The following TOMM70 variants were observed in gnomAD, a reference collection of about 807,000 sequenced individuals.
TOMM70 encodes translocase of outer mitochondrial membrane 70.
In TOMM70, 13 loss-of-function variants were observed where a neutral mutation model predicts 73.6. The observed-to-expected ratio is 0.18, with a 90% CI of 0.11 to 0.28. The LOEUF is 0.28. Among genes scored for constraint, TOMM70 ranks in the 10% least tolerant of loss-of-function variants. The pLI is 1.00. For synonymous variants in TOMM70, 257 were observed against 271.2 expected, an observed-to-expected ratio of 0.95 and a Z score of 0.51; for missense variants, 609 against 747.5, an observed-to-expected ratio of 0.81 and a Z score of 2.16.
intron 1 of TOMM70, among the ~76,000 whole-genome samples, chr3:100,395,283 C>A (rs1321165479): frequency 1.3e-5 from 2 of 152,182 alleles, no homozygotes; most frequent in East Asian, 3.9e-4. Context: ...GCAGGAGAAT[C>A]GGTTGAACCC....
chr3:100,394,832 C>A (rs1706803971), intron 1 of TOMM70, among the ~76,000 whole-genome samples: 1 of 151,962 alleles, frequency 6.6e-6, no homozygotes, highest in Non-Finnish European at 1.5e-5. Flanking sequence ...ATGAATCAAA[C>A]CTAGGATAAT....
At chr3:100,377,131 A>C (rs953419068) in intron 6 of TOMM70, among the ~76,000 whole-genome samples, 1 of 152,184 alleles carries the variant, frequency 6.6e-6, no homozygotes, top group Non-Finnish European at 1.5e-5. Flanking sequence ...TAATATAGTT[A>C]ATTGGTGGTT....
chr3:100,378,016 G>A, intron 5 of TOMM70, 104 bp from the exon 6 acceptor site: 1 of 945,064 alleles, frequency 1.1e-6, no homozygotes, highest in South Asian at 1.6e-5. Flanking sequence ...GGAGGCCGAG[G>A]TGGGCGGATC....
chr3:100,381,868 A>C, intron 4 of TOMM70, 105 bp from the exon 5 acceptor site: 175 of 1,176,584 alleles, frequency 1.5e-4, no homozygotes, highest in Non-Finnish European at 1.7e-4. Context: ...TTGGATTCTC[A>C]TTTTCAAATA....
rs1200812562 is a variant in TOMM70 at position 100,386,352 on chromosome 3, T to C, written c.499-8A>G. ...CACTTCTTTCCATTTTTGCTGTAAT[T>C]GAAAGTATTTAAAAAAAGTCACACT... On this transcript the variant is annotated splice_region_variant and splice_polypyrimidine_tract_variant and intron_variant, in intron 2 of 11. Transcript: ENST00000284320. The C allele has an allele frequency of 6.3e-7, 1 of 1,592,808 alleles. No homozygotes were observed. Among genetic ancestry groups the C allele is most frequent in the African/African-American group, 1.4e-5 (1 of 73,770 alleles).
intron 9 of TOMM70, among the ~76,000 whole-genome samples, chr3:100,369,608 C>T (rs1706486527): frequency 6.6e-6 from 1 of 151,908 alleles, no homozygotes; most frequent in African/African-American, 2.4e-5. Flanking sequence ...TCAAGTGATC[C>T]CCCTGCCTCA....
chr3:100,397,969 C>CATGGAAAA (rs111739803), intron 1 of TOMM70, among the ~76,000 whole-genome samples: 2 of 151,250 alleles, frequency 1.3e-5, no homozygotes, highest in African/African-American at 2.4e-5. Flanking sequence ...ATCCAGACAA[C>CATGGAAAA]GTGGAAAAGA....
intron 4 of TOMM70, among the ~76,000 whole-genome samples, chr3:100,382,483 C>T (rs1233895105): frequency 6.6e-6 from 1 of 152,178 alleles, no homozygotes; most frequent in Non-Finnish European, 1.5e-5. Flanking sequence ...GATCTGTGGG[C>T]ACTCTCTGGG....
intron 1 of TOMM70, among the ~76,000 whole-genome samples, chr3:100,389,240 A>G (rs1473296857): frequency 2.6e-5 from 4 of 152,240 alleles, no homozygotes; most frequent in Non-Finnish European, 4.4e-5. Flanking sequence ...TTTTGTAACT[A>G]AAGTCTTATA....
At chr3:100,371,964 T>C (rs1301868077) in intron 9 of TOMM70, 1 of 152,264 alleles carries the variant, frequency 6.6e-6, no homozygotes, top group East Asian at 1.9e-4. Context: ...CTAGTTTATG[T>C]AGACACCAAA....
Position 100,400,698 on chromosome 3 carries a change from C to T in TOMM70, c.252G>A (p.Lys84=), listed in dbSNP as rs1706888147. Residue 84 remains lysine (K), a synonymous_variant, in exon 1 of 12, where the codon AAG becomes AAA. Coordinates refer to ENST00000284320, the MANE Select transcript of TOMM70 (RefSeq NM_014820.5). ...ASGLKRNSER[K]TPEGRASPAP... ...CCGGACTGGCCCTGCCCTCCGGGGT[C>T]TTCCGTTCGCTGTTGCGCTTCAGGC... 1 of 1,611,444 alleles carries T rather than the reference C, an allele frequency of 6.2e-7. No homozygotes were observed. Among genetic ancestry groups the T allele is most frequent in the African/African-American group, 1.3e-5 (1 of 74,866 alleles).
intron 2 of TOMM70, 28 bp downstream of exon 2, chr3:100,386,777 A>G (rs1382692806): frequency 2.5e-6 from 4 of 1,593,614 alleles, no homozygotes; most frequent in Non-Finnish European, 3.4e-6. Context: ...AAAGAAAAGG[A>G]ACAGAAGAAA....
chr3:100,382,227 A>ACC (rs749200473), intron 4 of TOMM70, among the ~76,000 whole-genome samples: 2 of 152,254 alleles, frequency 1.3e-5, no homozygotes, highest in Non-Finnish European at 2.9e-5. Flanking sequence ...GAAATAACAC[A>ACC]CCCAAAAGGC....
chr3:100,396,761 C>A (rs779090554), intron 1 of TOMM70, among the ~76,000 whole-genome samples: 58 of 152,228 alleles, frequency 3.8e-4, no homozygotes, highest in African/African-American at 1.3e-3. Flanking sequence ...ACTTTAAGCA[C>A]CTCAGTCTTA....
At chr3:100,365,740 T>C (rs1318927143) in intron 11 of TOMM70, 23 bp from the exon 12 acceptor site, 1 of 1,612,880 alleles carries the variant, frequency 6.2e-7, no homozygotes, top group Non-Finnish European at 8.5e-7. Context: ...AATTTTTAAG[T>C]CTCAGATTCA....
intron 5 of TOMM70, among the ~76,000 whole-genome samples, chr3:100,378,533 AAG>A (rs774797667): frequency 6.6e-6 from 1 of 152,200 alleles, no homozygotes; most frequent in Non-Finnish European, 1.5e-5. Flanking sequence ...GAGCTAACGA[AAG>A]AGAGACTGAT....
chr3:100,394,732 C>T (rs1173618654), intron 1 of TOMM70, among the ~76,000 whole-genome samples: 2 of 151,972 alleles, frequency 1.3e-5, no homozygotes, highest in African/African-American at 4.8e-5. Context: ...TGAACTCCTG[C>T]CCTCAGGTGA....
chr3:100,393,066 G>A (rs1706780934), intron 1 of TOMM70, among the ~76,000 whole-genome samples: 1 of 151,732 alleles, frequency 6.6e-6, no homozygotes, highest in Admixed American at 6.6e-5. Context: ...ATCCCAGCTA[G>A]TCGGGAGGCT....
chr3:100,386,011 T>C (rs988102680), intron 3 of TOMM70, among the ~76,000 whole-genome samples: 2 of 152,210 alleles, frequency 1.3e-5, no homozygotes, highest in East Asian at 1.9e-4. Flanking sequence ...CTAATCTTAA[T>C]AGTCATTTAA....
Sources: allele counts gnomAD v4.1 joint callset (sites outside exome capture counted in the v4.1 genomes callset), GRCh38; gene constraint gnomAD v4.1.1; transcripts MANE v1.5; gene names NCBI Gene and HGNC (gene_info 2026-07-23, HGNC 2026-07-21).